GRM7: variants seen among roughly 807,000 people sequenced by gnomAD.
The protein encoded by GRM7 is glutamate metabotropic receptor 7.
In GRM7, 35 loss-of-function variants were observed where a neutral mutation model predicts 84.5. The observed-to-expected ratio is 0.41, with a 90% CI of 0.32 to 0.55. The LOEUF is 0.55. Ranked by LOEUF, GRM7 falls within the 20% of genes least tolerant of loss-of-function variation. The pLI, the probability that GRM7 is intolerant of heterozygous loss-of-function variation, is 0.19. For missense variants in GRM7, 1,003 were observed against 1,194.6 expected, an observed-to-expected ratio of 0.84 and a Z score of 2.36; for synonymous variants, 487 against 455.1, an observed-to-expected ratio of 1.07 and a Z score of -0.89.
intron 8 of GRM7, among the ~76,000 whole-genome samples, chr3:7,592,683 G>A (rs1488830358): frequency 6.6e-6 from 1 of 152,164 alleles, no homozygotes; most frequent in Non-Finnish European, 1.5e-5. Context: ...AACAGTGTCT[G>A]CTACCTGACA....
intron 2 of GRM7, among the ~76,000 whole-genome samples, chr3:7,245,136 AT>A (rs1697709878): frequency 6.6e-6 from 1 of 152,044 alleles, no homozygotes; most frequent in African/African-American, 2.4e-5. Flanking sequence ...ACCCAAACTG[AT>A]TGAAAAATTT....
At chr3:7,096,599 G>C (rs1179919696) in intron 1 of GRM7, among the ~76,000 whole-genome samples, 2 of 152,030 alleles carry the variant, frequency 1.3e-5, no homozygotes, top group Non-Finnish European at 2.9e-5. Flanking sequence ...TTTTATGGGG[G>C]TTTTAATACA....
chr3:7,640,082 C>A (rs1167168861), intron 8 of GRM7, among the ~76,000 whole-genome samples: 1 of 152,166 alleles, frequency 6.6e-6, no homozygotes, highest in African/African-American at 2.4e-5. Context: ...CCTTGCCTAA[C>A]AAATGACCTC....
At chr3:7,729,234 C>A (rs549118595) in intron 9 of GRM7, among the ~76,000 whole-genome samples, 1 of 152,314 alleles carries the variant, frequency 6.6e-6, no homozygotes, top group African/African-American at 2.4e-5. Context: ...CTATTTGAAT[C>A]ACCCAATGCA....
At chr3:7,353,537 A>G (rs1237398445) in intron 4 of GRM7, among the ~76,000 whole-genome samples, 1 of 152,108 alleles carries the variant, frequency 6.6e-6, no homozygotes, top group African/African-American at 2.4e-5. Flanking sequence ...GGTTTACTGT[A>G]GAGAAAGGGA....
chr3:6,969,745 C>A (rs1365572135), intron 1 of GRM7, among the ~76,000 whole-genome samples: 3 of 152,132 alleles, frequency 2.0e-5, no homozygotes, highest in African/African-American at 4.8e-5. Context: ...ACAATTCCAC[C>A]CATATCTAAG....
intron 4 of GRM7, among the ~76,000 whole-genome samples, chr3:7,331,432 G>C (rs73132230): frequency 6.6e-6 from 1 of 152,280 alleles, no homozygotes; most frequent in Non-Finnish European, 1.5e-5. Context: ...TTTGAAGGAT[G>C]TTTTTAAAAT....
At chr3:7,136,160 G>A (rs1284119645) in intron 1 of GRM7, among the ~76,000 whole-genome samples, 2 of 151,484 alleles carry the variant, frequency 1.3e-5, no homozygotes, top group Non-Finnish European at 2.9e-5. Flanking sequence ...TATTTTCTCT[G>A]GATTTAATAT....
At chr3:7,737,624 A>G (rs1377412311) in intron 9 of GRM7, among the ~76,000 whole-genome samples, 2 of 152,162 alleles carry the variant, frequency 1.3e-5, no homozygotes, top group Admixed American at 1.3e-4. Flanking sequence ...ATTGCTGTGA[A>G]AAGTACACAA....
intron 2 of GRM7, among the ~76,000 whole-genome samples, chr3:7,189,709 T>C (rs990485961): frequency 6.6e-6 from 1 of 152,140 alleles, no homozygotes; most frequent in African/African-American, 2.4e-5. Flanking sequence ...ATTTAAAATA[T>C]GTACCTATAA....
chr3:6,985,305 A>T (rs995532270), intron 1 of GRM7, among the ~76,000 whole-genome samples: 2 of 151,970 alleles, frequency 1.3e-5, no homozygotes, highest in Admixed American at 1.3e-4. Flanking sequence ...AGTAGGTCTT[A>T]TTCATTCTTT....
chr3:7,070,638 T>C (rs1697839384), intron 1 of GRM7, among the ~76,000 whole-genome samples: 1 of 152,014 alleles, frequency 6.6e-6, no homozygotes. Flanking sequence ...GATGTCAAGG[T>C]GATTCCTTTT....
At chr3:7,295,561 A>G (rs761250649) in intron 2 of GRM7, among the ~76,000 whole-genome samples, 7 of 152,232 alleles carry the variant, frequency 4.6e-5, no homozygotes, top group Admixed American at 1.3e-4. Flanking sequence ...TCTAGATAGC[A>G]TTGAATCTAT....
chr3:7,414,230 A>G (rs1388139226), intron 4 of GRM7, among the ~76,000 whole-genome samples: 2 of 152,158 alleles, frequency 1.3e-5, no homozygotes, highest in African/African-American at 2.4e-5. Context: ...TGATCATAGA[A>G]CTCAACTTTA....
intron 2 of GRM7, among the ~76,000 whole-genome samples, chr3:7,213,013 C>T (rs1696481105): frequency 6.6e-6 from 1 of 152,190 alleles, no homozygotes; most frequent in South Asian, 2.1e-4. Context: ...TCGAAATGCA[C>T]AACTATTTGG....
At chr3:7,246,145 CTGATT>C (rs1697750508) in intron 2 of GRM7, among the ~76,000 whole-genome samples, 1 of 151,950 alleles carries the variant, frequency 6.6e-6, no homozygotes, top group Non-Finnish European at 1.5e-5. Context: ...AGTATGGTAT[CTGATT>C]ACAATGGAAC....
chr3:7,248,494 G>A (rs1697858198), intron 2 of GRM7, among the ~76,000 whole-genome samples: 1 of 152,122 alleles, frequency 6.6e-6, no homozygotes, highest in Admixed American at 6.5e-5. Context: ...TTTTTTGGAT[G>A]ACAGAAATGC....
chr3:7,704,170 C>T (rs999066878), intron 9 of GRM7, among the ~76,000 whole-genome samples: 1 of 152,228 alleles, frequency 6.6e-6, no homozygotes, highest in Middle Eastern at 3.4e-3. Flanking sequence ...TGAAAAAAAT[C>T]ACTTGTTATT....
chr3:7,645,546 TAA>T (rs71043684), intron 8 of GRM7, among the ~76,000 whole-genome samples: 4,140 of 87,632 alleles, frequency 0.047, 124 homozygotes, highest in African/African-American at 0.12. Context: ...GACTCCATCT[TAA>T]AAAAAAAAAA....
Sources: allele counts gnomAD v4.1 joint callset (sites outside exome capture counted in the v4.1 genomes callset), GRCh38; gene constraint gnomAD v4.1.1; transcripts MANE v1.5; gene names NCBI Gene and HGNC (gene_info 2026-07-23, HGNC 2026-07-21).